The following GRIK3 variants were observed in gnomAD, a reference collection of about 807,000 sequenced individuals.
The protein encoded by GRIK3 is glutamate receptor ionotropic, kainate 3.
Under a neutral mutation model 102.5 loss-of-function variants are expected in GRIK3, and 29 were observed. That is an observed-to-expected ratio of 0.28 (90% CI 0.21 to 0.39). The LOEUF (loss-of-function observed/expected upper bound fraction) is 0.39. GRIK3 is among the 10% of genes least tolerant of loss of function. GRIK3 has a pLI of 1.00. For missense variants in GRIK3, 908 were observed against 1,252.4 expected, an observed-to-expected ratio of 0.73 and a Z score of 4.15; for synonymous variants, 511 against 504.9, an observed-to-expected ratio of 1.01 and a Z score of -0.16.
intron 1 of GRIK3, among the ~76,000 whole-genome samples, chr1:36,938,946 G>A (rs970433473): frequency 6.6e-5 from 10 of 152,170 alleles, no homozygotes; most frequent in East Asian, 1.9e-4. Context: ...ATGATTCACC[G>A]GGAAAAGCAG....
At position 36,869,645 on chromosome 1, in the gene GRIK3, C is replaced by G. The variant is rs1412482768; in HGVS notation, c.786+103G>C. ...GGGCCACCCCTACAGCCTGAGGAAG[C>G]TGCAGCAATTGTCTTCAGTGGGCTG... On this transcript the variant is annotated intron_variant, in intron 5 of 15. Transcript: ENST00000373091. The G allele has an allele frequency of 5.2e-5, 46 of 888,042 alleles. No individual in the cohort carries two copies. In the East Asian group the frequency reaches 7.7e-4, roughly 15 times the overall value. The allele number at this position is 888,042 out of a possible 1,614,324, so 55.0% of individuals were successfully genotyped here.
intron 1 of GRIK3, among the ~76,000 whole-genome samples, chr1:36,914,983 A>C (rs1241576051): frequency 2.0e-5 from 3 of 152,220 alleles, no homozygotes; most frequent in Non-Finnish European, 2.9e-5. Flanking sequence ...ATTCTGACTT[A>C]ATTATTATCA....
At chr1:36,817,417 C>T (rs1642644002) in intron 12 of GRIK3, 140 bp from the exon 13 acceptor site, 6 of 635,156 alleles carry the variant, frequency 9.4e-6, no homozygotes, top group Non-Finnish European at 1.4e-5. Flanking sequence ...AAAGTGTGGT[C>T]CCTGGACTGG....
intron 1 of GRIK3, among the ~76,000 whole-genome samples, chr1:36,935,407 T>A (rs1370724332): frequency 6.6e-6 from 1 of 152,182 alleles, no homozygotes; most frequent in Non-Finnish European, 1.5e-5. Context: ...AATACATGCA[T>A]TAGCATCCAG....
At chr1:37,018,436 A>G (rs1642675993) in intron 1 of GRIK3, among the ~76,000 whole-genome samples, 1 of 152,022 alleles carries the variant, frequency 6.6e-6, no homozygotes. Context: ...ATACACCGCA[A>G]CCCTTAGAGA....
At chr1:36,874,141 CT>C (rs1174240530) in intron 3 of GRIK3, among the ~76,000 whole-genome samples, 1 of 152,212 alleles carries the variant, frequency 6.6e-6, no homozygotes, top group African/African-American at 2.4e-5. Context: ...AAGAGTCCCC[CT>C]GACCTCACTC....
At chr1:36,937,488 C>T (rs903670539) in intron 1 of GRIK3, among the ~76,000 whole-genome samples, 2 of 152,124 alleles carry the variant, frequency 1.3e-5, no homozygotes, top group Non-Finnish European at 2.9e-5. Context: ...TCTAAGACAT[C>T]ACAGATTTTC....
intron 1 of GRIK3, among the ~76,000 whole-genome samples, chr1:37,033,510 C>A (rs372256224): frequency 6.6e-6 from 1 of 152,146 alleles, no homozygotes; most frequent in African/African-American, 2.4e-5. Context: ...CCTCGTCATG[C>A]GAATCTGTGC....
At chr1:37,032,765 T>G (rs1371967573) in intron 1 of GRIK3, among the ~76,000 whole-genome samples, 1 of 152,058 alleles carries the variant, frequency 6.6e-6, no homozygotes, top group African/African-American at 2.4e-5. Flanking sequence ...CCAGATGGTG[T>G]TCAAGAGGGT....
intron 10 of GRIK3, among the ~76,000 whole-genome samples, chr1:36,826,434 G>A (rs772681047): frequency 1.8e-4 from 27 of 152,160 alleles, no homozygotes; most frequent in Admixed American, 1.3e-3. Flanking sequence ...TTTGGAGGCC[G>A]AGGCAGGAGG....
intron 11 of GRIK3, among the ~76,000 whole-genome samples, chr1:36,823,257 A>ATT (rs1557693208): frequency 6.6e-6 from 1 of 152,072 alleles, no homozygotes; most frequent in Non-Finnish European, 1.5e-5. Context: ...GTGGATCATG[A>ATT]GGTCAGGAGA....
At chr1:36,929,440 G>C (rs1409614600) in intron 1 of GRIK3, among the ~76,000 whole-genome samples, 3 of 152,088 alleles carry the variant, frequency 2.0e-5, no homozygotes, top group Non-Finnish European at 2.9e-5. Flanking sequence ...ATAGTACATT[G>C]GTAAAAATCA....
chr1:36,815,124 A>C lies in GRIK3; in HGVS notation c.2091+1936T>G, dbSNP rs116952468. Among the ~76,000 whole-genome samples the C allele has an allele frequency of 2.4e-4, 36 of 152,368 alleles. No homozygotes were observed. The East Asian group carries it at 6.9e-3, about 29-fold the overall frequency. Reference sequence around the variant, plus strand: ...TAGGCAGGAACACATACAGAGTCCCATAGTGTTCCCAACATGCCTTTGATA... The same window carrying C: ...TAGGCAGGAACACATACAGAGTCCCCTAGTGTTCCCAACATGCCTTTGATA... On this transcript the variant is annotated intron_variant, in intron 13 of 15. Transcript: ENST00000373091.
intron 1 of GRIK3, among the ~76,000 whole-genome samples, chr1:36,959,010 A>AGC (rs1641964264): frequency 1.1e-5 from 1 of 91,372 alleles, no homozygotes; most frequent in African/African-American, 3.8e-5. Flanking sequence ...GTGCCCCGTG[A>AGC]CTCTGTGCCC....
At position 36,850,468 on chromosome 1, in the gene GRIK3, T is replaced by G. The variant is rs752442397; in HGVS notation, c.1213-44A>C. The G allele has an allele frequency of 5.0e-5, 57 of 1,148,520 alleles. No individual in the cohort carries two copies. In the South Asian group the frequency reaches 7.0e-4, roughly 14 times the overall value. 71.1% of individuals were successfully genotyped at this position (1,148,520 alleles called of 1,614,324 possible). On this transcript the variant is annotated intron_variant, in intron 8 of 15. Transcript: ENST00000373091. The surrounding 1 kb of genome is among the most constrained non-coding windows in gnomAD (Gnocchi z 4.0). Reference sequence around the variant, plus strand: ...AAAACAGGGTGCCGAGTCCTTGGTCTACCCATCTTCCTCCATATCGACAAG... The same window carrying G: ...AAAACAGGGTGCCGAGTCCTTGGTCGACCCATCTTCCTCCATATCGACAAG...
chr1:36,945,513 A>C (rs1029773748), intron 1 of GRIK3, among the ~76,000 whole-genome samples: 2 of 151,600 alleles, frequency 1.3e-5, no homozygotes, highest in African/African-American at 4.9e-5. Flanking sequence ...CTGATCCTGC[A>C]ACATCGTTTA....
At chr1:36,912,628 A>G (rs114217441) in intron 1 of GRIK3, among the ~76,000 whole-genome samples, 3,299 of 152,002 alleles carry the variant, frequency 0.022, 101 homozygotes, top group East Asian at 0.1. Flanking sequence ...TGAGCTCCCT[A>G]TGCGTCCTCC....
intron 1 of GRIK3, among the ~76,000 whole-genome samples, chr1:37,000,872 G>A (rs1642469378): frequency 6.6e-6 from 1 of 152,210 alleles, no homozygotes; most frequent in Non-Finnish European, 1.5e-5. Flanking sequence ...AGGTCAGAAA[G>A]CCCAAGGGAG....
intron 1 of GRIK3, among the ~76,000 whole-genome samples, chr1:36,959,469 G>A (rs1428820428): frequency 9.9e-6 from 1 of 101,008 alleles, no homozygotes; most frequent in Non-Finnish European, 2.1e-5. Context: ...AGCCTGTGTG[G>A]CCCCTGACTC....
Sources: allele counts gnomAD v4.1 joint callset (sites outside exome capture counted in the v4.1 genomes callset), GRCh38; gene constraint gnomAD v4.1.1; non-coding constraint Gnocchi (gnomAD v3.1); transcripts MANE v1.5; gene names NCBI Gene and HGNC (gene_info 2026-07-23, HGNC 2026-07-21).